The following EIF3A variants were observed in gnomAD, a reference collection of about 807,000 sequenced individuals.
EIF3A encodes EIF3, p180 subunit.
Under a neutral mutation model 186.6 loss-of-function variants are expected in EIF3A, and 21 were observed. The ratio of observed to expected loss-of-function variants is 0.11; its 90% CI spans 0.08 to 0.16. EIF3A has a LOEUF of 0.16. EIF3A is among the 10% of genes least tolerant of loss of function. The probability of loss-of-function intolerance (pLI) is 1.00; values close to 1 mark genes in which losing one functional copy is unlikely to be tolerated. For synonymous variants in EIF3A, 563 were observed against 584.3 expected (o/e 0.96, Z 0.52); for missense variants, 1,306 against 1,796.3 (o/e 0.73, Z 4.93).
intron 9 of EIF3A, among the ~76,000 whole-genome samples, chr10:119,060,530 T>C (rs1046207699): frequency 6.6e-6 from 1 of 152,040 alleles, no homozygotes; most frequent in Admixed American, 6.5e-5. Context: ...CAAGGAAAAA[T>C]GCCCAAAGAC....
At chr10:119,079,914 A>ATTAAC (rs1844235547) in intron 1 of EIF3A, among the ~76,000 whole-genome samples, 1 of 152,226 alleles carries the variant, frequency 6.6e-6, no homozygotes, top group Non-Finnish European at 1.5e-5. Context: ...GTCCCTTTAC[A>ATTAAC]TTAACTCTAT....
chr10:119,080,673 G>A lies in EIF3A; in HGVS notation c.4C>T (p.Pro2Ser). Residue 2 changes from proline (P) to serine (S), a missense_variant, in exon 1 of 22, where the codon CCG becomes TCG. Around this residue, in one of 8 missense-constraint regions of EIF3A, gnomAD observed 130 missense variants for 259.3 expected, o/e 0.50. Transcript: ENST00000369144. M[P>S]AYFQRPENAL... ...TTTTCCGGCCTCTGAAAATAGGCCGGCATCTTGGCGGCAGGCTCAGCTCAC... is the reference window on the plus strand; with the variant it reads ...TTTTCCGGCCTCTGAAAATAGGCCGACATCTTGGCGGCAGGCTCAGCTCAC... 1.3e-6 allele frequency: 2 copies of A among 1,595,292 alleles called. No homozygotes were observed. Among genetic ancestry groups the A allele is most frequent in the Non-Finnish European group, 8.5e-7 (1 of 1,172,232 alleles).
intron 17 of EIF3A, among the ~76,000 whole-genome samples, chr10:119,047,248 A>G (rs1365005465): frequency 6.6e-6 from 1 of 152,188 alleles, no homozygotes; most frequent in Non-Finnish European, 1.5e-5. Flanking sequence ...AGCCTGGGCA[A>G]CAGAGCGAGA....
chr10:119,049,674 C>A, intron 17 of EIF3A, 127 bp downstream of exon 17: 2 of 751,938 alleles, frequency 2.7e-6, no homozygotes, highest in Non-Finnish European at 4.4e-6. Context: ...ATCACTTGAA[C>A]CCGGGGGCTG....
intron 16 of EIF3A, 88 bp downstream of exon 16, chr10:119,050,433 C>T (rs1848341198): frequency 3.0e-6 from 4 of 1,338,628 alleles, no homozygotes; most frequent in Non-Finnish European, 4.1e-6. Flanking sequence ...TACCTTGATT[C>T]CTGTATTTTC....
intron 6 of EIF3A, among the ~76,000 whole-genome samples, chr10:119,067,698 C>G (rs903687253): frequency 6.6e-6 from 1 of 152,164 alleles, no homozygotes; most frequent in South Asian, 2.1e-4. Context: ...ATGAATTGCT[C>G]TAAAATAGTT....
chr10:119,038,052 G>T, intron 20 of EIF3A, 186 bp downstream of exon 20: 1 of 560,784 alleles, frequency 1.8e-6, no homozygotes, highest in Non-Finnish European at 3.2e-6. Context: ...GAGTAGCTGG[G>T]ATTACAGGCA....
chr10:119,057,064 A>T, intron 12 of EIF3A, 24 bp from the exon 13 acceptor site: 1 of 1,393,774 alleles, frequency 7.2e-7, no homozygotes, highest in Non-Finnish European at 1.0e-6. Flanking sequence ...CAAATGCACA[A>T]TTGTTAATAA....
At chr10:119,052,986 C>T (rs1414972265) in intron 14 of EIF3A, among the ~76,000 whole-genome samples, 1 of 152,192 alleles carries the variant, frequency 6.6e-6, no homozygotes, top group East Asian at 1.9e-4. Context: ...GATCTACGGG[C>T]TGCAGAATGC....
At chr10:119,041,879 G>T in intron 19 of EIF3A, 115 bp downstream of exon 19, 1 of 1,147,596 alleles carries the variant, frequency 8.7e-7, no homozygotes, top group Non-Finnish European at 1.2e-6. Context: ...GATACTGAAG[G>T]AAAGATGAAA....
chr10:119,059,799 G>T, intron 9 of EIF3A, 81 bp from the exon 10 acceptor site: 6 of 907,924 alleles, frequency 6.6e-6, no homozygotes, highest in Non-Finnish European at 7.3e-6. Flanking sequence ...ACAGTCATGG[G>T]AAGTAGAAAT....
chr10:119,045,082 C>CT (rs1848266646), intron 17 of EIF3A, among the ~76,000 whole-genome samples: 1 of 151,684 alleles, frequency 6.6e-6, no homozygotes, highest in African/African-American at 2.4e-5. Flanking sequence ...GTAGCTAGGA[C>CT]TACAAGCGCC....
rs1166219857 is a variant in EIF3A, at chr10:119,069,536, C to G, written c.860G>C (p.Gly287Ala). 1 of 1,594,306 alleles carries G rather than the reference C, an allele frequency of 6.3e-7. No homozygotes were observed. The highest frequency in any genetic ancestry group is 1.7e-5 in the Admixed American group (1 of 59,916). ...NKVSTVFWKS[G>A]NALFHASTLH... ...TGTAGATGCATGAAAAAGAGCATTT[C>G]CAGATTTCCAAAACACAGTTGAGAC... The change falls in exon 6 of 22, where the codon GGA (glycine) becomes GCA (alanine). Residue 287 changes from glycine (G) to alanine (A), a missense_variant. By Grantham distance (60) the Gly-to-Ala change is moderately conservative (BLOSUM62 0). Around this residue, in one of 8 missense-constraint regions of EIF3A, gnomAD observed 267 missense variants for 367.8 expected, o/e 0.73. Transcript: ENST00000369144.
intron 21 of EIF3A, 44 bp downstream of exon 21, chr10:119,037,075 A>T: frequency 3.4e-5 from 14 of 407,530 alleles, no homozygotes; most frequent in South Asian, 5.6e-5. Flanking sequence ...CCCCCCCCAG[A>T]AACGACAGTT....
At chr10:119,068,267 G>A (rs1224254909) in intron 6 of EIF3A, among the ~76,000 whole-genome samples, 1 of 152,150 alleles carries the variant, frequency 6.6e-6, no homozygotes, top group Non-Finnish European at 1.5e-5. Flanking sequence ...TTGGTCTATA[G>A]GTTGTTGGGT....
At chr10:119,077,832 C>T (rs866561906) in intron 1 of EIF3A, among the ~76,000 whole-genome samples, 1 of 152,132 alleles carries the variant, frequency 6.6e-6, no homozygotes, top group Non-Finnish European at 1.5e-5. Flanking sequence ...GGATTACAGG[C>T]ATGAGCCACC....
intron 17 of EIF3A, among the ~76,000 whole-genome samples, chr10:119,047,520 G>A (rs1848296409): frequency 6.6e-6 from 1 of 152,128 alleles, no homozygotes; most frequent in South Asian, 2.1e-4. Flanking sequence ...ACAAAAGGGT[G>A]GACAGACACA....
chr10:119,044,203 GGTAT>G, intron 17 of EIF3A, 61 bp from the exon 18 acceptor site: 1 of 1,043,976 alleles, frequency 9.6e-7, no homozygotes, highest in Non-Finnish European at 1.5e-6. Context: ...TACAACTACT[GGTAT>G]TACCATTCAA....
intron 17 of EIF3A, 79 bp downstream of exon 17, chr10:119,049,722 C>T (rs919967792): frequency 2.1e-5 from 28 of 1,308,242 alleles, no homozygotes; most frequent in African/African-American, 1.2e-4. Flanking sequence ...GCAACCTGGG[C>T]GACAGAGCAA....
Sources: gnomAD v4.1 joint callset for allele counts (sites outside exome capture counted in the v4.1 genomes callset) on GRCh38, gnomAD v4.1.1 for gene constraint, gnomAD v4.1.1 regional missense constraint, MANE v1.5 for transcripts, NCBI Gene and HGNC (gene_info 2026-07-23, HGNC 2026-07-21) for gene names.